Variants in SCLT1 observed in about 807,000 individuals in gnomAD.
The protein encoded by SCLT1 is sodium channel-associated protein 1.
A neutral mutation model predicts 112.8 loss-of-function variants in SCLT1; 78 were observed. The observed-to-expected ratio is 0.69, with a 90% CI of 0.58 to 0.83. SCLT1 has a LOEUF of 0.83. Among genes scored for constraint, SCLT1 ranks in the 40% least tolerant of loss-of-function variants. The pLI is 0.00. For missense variants in SCLT1, 747 were observed against 770.4 expected (o/e 0.97, Z 0.36); for synonymous variants, 257 against 254.7 (o/e 1.01, Z -0.09).
intron 5 of SCLT1, among the ~76,000 whole-genome samples, chr4:129,027,362 T>C (rs1232616314): frequency 6.6e-6 from 1 of 152,182 alleles, no homozygotes. Flanking sequence ...CATGATCAAG[T>C]GGGCTTCATC....
chr4:128,899,293 G>A (rs370725279), intron 18 of SCLT1, among the ~76,000 whole-genome samples: 3 of 152,024 alleles, frequency 2.0e-5, no homozygotes, highest in Non-Finnish European at 4.4e-5. Context: ...CTGGCAAACC[G>A]AATCCAGCAG....
In SCLT1 at chr4:129,093,489, G is replaced by A. The variant is rs1296675174; in HGVS notation, c.-386C>T. 1.9e-5 allele frequency: 4 copies of A among 214,240 alleles called. No homozygotes were observed. Among genetic ancestry groups the A allele is most frequent in the South Asian group, 1.0e-4 (1 of 9,560 alleles). The allele number at this position is 214,240 out of a possible 1,614,324, so 13.3% of individuals were successfully genotyped here. ...GTTCTACGCGGAGCGGCGGGGGTTGGAGAGGACAACGCCAAGACGGCTGGG... is the reference window on the plus strand; with the variant it reads ...GTTCTACGCGGAGCGGCGGGGGTTGAAGAGGACAACGCCAAGACGGCTGGG... On this transcript the variant is annotated 5_prime_UTR_variant, in exon 1 of 21. Transcript: ENST00000281142.
chr4:129,052,237 A>C (rs959487262), intron 2 of SCLT1, among the ~76,000 whole-genome samples: 1 of 152,322 alleles, frequency 6.6e-6, no homozygotes, highest in Admixed American at 6.5e-5. Flanking sequence ...TGTTGGCCTC[A>C]TAAAATGAGT....
At chr4:128,892,176 G>A (rs558273656) in intron 18 of SCLT1, among the ~76,000 whole-genome samples, 2 of 152,270 alleles carry the variant, frequency 1.3e-5, no homozygotes, top group South Asian at 2.1e-4. Context: ...CAACGTATAA[G>A]TATTCTATTG....
intron 5 of SCLT1, among the ~76,000 whole-genome samples, chr4:129,031,689 A>G (rs1426773768): frequency 6.6e-6 from 1 of 152,164 alleles, no homozygotes; most frequent in African/African-American, 2.4e-5. Flanking sequence ...GAGCCAAATC[A>G]TGAGTGAACT....
At chr4:128,908,129 A>G (rs1579343385) in intron 18 of SCLT1, among the ~76,000 whole-genome samples, 1 of 152,318 alleles carries the variant, frequency 6.6e-6, no homozygotes, top group African/African-American at 2.4e-5. Context: ...ATTAAATTGC[A>G]TAAGGTTCTA....
intron 14 of SCLT1, among the ~76,000 whole-genome samples, chr4:128,951,070 A>G (rs1484142749): frequency 6.6e-6 from 1 of 152,120 alleles, no homozygotes; most frequent in Non-Finnish European, 1.5e-5. Context: ...TGGATCAGCA[A>G]AAGTATGCAT....
At chr4:128,972,428 AAGG>A (rs1156468836) in intron 9 of SCLT1, 3 of 132,836 alleles carry the variant, frequency 2.3e-5, no homozygotes, top group African/African-American at 5.1e-5. Context: ...TAGCATGATC[AAGG>A]AAAAAAAAAA....
At chr4:128,922,618 A>G (rs528530171) in intron 18 of SCLT1, among the ~76,000 whole-genome samples, 33 of 152,294 alleles carry the variant, frequency 2.2e-4, no homozygotes, top group Middle Eastern at 3.4e-3. Flanking sequence ...CATGGACACA[A>G]AGAAGGAAAC....
At chr4:128,921,184 T>C (rs1383303136) in intron 18 of SCLT1, among the ~76,000 whole-genome samples, 1 of 152,172 alleles carries the variant, frequency 6.6e-6, no homozygotes, top group Non-Finnish European at 1.5e-5. Flanking sequence ...CATTCCATGC[T>C]ATGGATAGGA....
At chr4:128,899,672 C>T (rs1459584933) in intron 18 of SCLT1, among the ~76,000 whole-genome samples, 1 of 152,094 alleles carries the variant, frequency 6.6e-6, no homozygotes, top group South Asian at 2.1e-4. Context: ...AAGTTCTGGC[C>T]AGGGCAATCA....
intron 14 of SCLT1, among the ~76,000 whole-genome samples, chr4:128,949,224 T>C (rs1327562940): frequency 6.6e-6 from 1 of 150,448 alleles, no homozygotes; most frequent in Middle Eastern, 3.4e-3. Context: ...CTTGTTTTTT[T>C]TTTTTTTTTT....
In SCLT1 at chr4:128,999,785, G is replaced by T; in HGVS notation, c.436C>A (p.Gln146Lys). 1 of 1,596,854 alleles carries T rather than the reference G, an allele frequency of 6.3e-7. No individual in the cohort carries two copies. The highest frequency in any genetic ancestry group is 8.5e-7 in the Non-Finnish European group (1 of 1,171,804). The stretch of plus-strand genomic sequence containing the variant: ...ACAGTCTGCCAGAGTTCCACAGCCT[G>T]AGTTTTTTCCTATTAAAAAAGTTTG... The part of the protein sequence containing the change: ...QLQLANQEKT[Q>K]AVELWQTVSQ... The change falls in exon 7 of 21, where the codon CAG (glutamine) becomes AAG (lysine). Residue 146 changes from glutamine (Q) to lysine (K), a missense_variant. Transcript: ENST00000281142.
intron 2 of SCLT1, among the ~76,000 whole-genome samples, chr4:129,058,039 A>C (rs747178469): frequency 6.6e-6 from 1 of 152,160 alleles, no homozygotes; most frequent in African/African-American, 2.4e-5. Flanking sequence ...ATGAGCCATC[A>C]TGCCTGGCCC....
intron 18 of SCLT1, among the ~76,000 whole-genome samples, chr4:128,898,227 T>C (rs1733951385): frequency 6.6e-6 from 1 of 152,212 alleles, no homozygotes; most frequent in South Asian, 2.1e-4. Flanking sequence ...TACATTCTTC[T>C]CAGCACCACA....
chr4:129,062,112 G>A (rs117672464), intron 2 of SCLT1, among the ~76,000 whole-genome samples: 1 of 152,250 alleles, frequency 6.6e-6, no homozygotes, highest in East Asian at 1.9e-4. Context: ...AGGCTGCTGA[G>A]ATCCTCCTGC....
At chr4:128,994,779 T>A (rs1371502785) in intron 8 of SCLT1, among the ~76,000 whole-genome samples, 2 of 152,140 alleles carry the variant, frequency 1.3e-5, no homozygotes, top group African/African-American at 4.8e-5. Context: ...ACATCGAGCA[T>A]TGGGCATTTC....
At chr4:129,029,650 A>T (rs1228652734) in intron 5 of SCLT1, among the ~76,000 whole-genome samples, 1 of 152,000 alleles carries the variant, frequency 6.6e-6, no homozygotes, top group African/African-American at 2.4e-5. Flanking sequence ...CACATTGTGC[A>T]CATGTACCCT....
In SCLT1 at chr4:128,904,664, G is replaced by A. The variant is rs140661029; in HGVS notation, c.1830-13527C>T. 4.0e-4 allele frequency among the ~76,000 whole-genome samples: 61 copies of A among 152,142 alleles called. 1 individual carries two copies. The highest frequency in any genetic ancestry group is 1.3e-3 in the African/African-American group (56 of 41,542). On this transcript the variant is annotated intron_variant, in intron 18 of 20. Transcript: ENST00000281142. ...TTCCCACTTAAGTCCAATCAATTACGAGAGATGTTAGTAAAGCAAATCTGT... is the reference window on the plus strand; with the variant it reads ...TTCCCACTTAAGTCCAATCAATTACAAGAGATGTTAGTAAAGCAAATCTGT...
Sources: allele counts gnomAD v4.1 joint callset (sites outside exome capture counted in the v4.1 genomes callset), GRCh38; gene constraint gnomAD v4.1.1; transcripts MANE v1.5; gene names NCBI Gene and HGNC (gene_info 2026-07-23, HGNC 2026-07-21).